PLCB4: variants seen among roughly 807,000 people sequenced by gnomAD.
PLCB4 encodes the protein 1-phosphatidylinositol 4,5-bisphosphate phosphodiesterase beta-4.
A neutral mutation model predicts 178.8 loss-of-function variants in PLCB4; 77 were observed. The observed-to-expected ratio is 0.43, with a 90% confidence interval of 0.36 to 0.52. The LOEUF (loss-of-function observed/expected upper bound fraction) is 0.52. Ranked by LOEUF, PLCB4 falls within the 20% of genes least tolerant of loss-of-function variation. PLCB4 has a pLI of 0.00. For missense variants in PLCB4, 1,024 were observed against 1,453.4 expected, an observed-to-expected ratio of 0.70 and a Z score of 4.80; for synonymous variants, 496 against 490.8, an observed-to-expected ratio of 1.01 and a Z score of -0.14.
At chr20:9,106,111 C>G (rs938633148) in intron 2 of PLCB4, among the ~76,000 whole-genome samples, 5 of 151,898 alleles carry the variant, frequency 3.3e-5, no homozygotes, top group African/African-American at 9.7e-5. Context: ...ACTCTGACAA[C>G]CTTATCAGCA....
chr20:9,100,466 A>G (rs1198838752), intron 2 of PLCB4, among the ~76,000 whole-genome samples: 1 of 152,290 alleles, frequency 6.6e-6, no homozygotes, highest in Admixed American at 6.5e-5. Context: ...CTCAAACTTC[A>G]TAACAGGAAA....
chr20:9,096,426 A>AT (rs1460943784), intron 2 of PLCB4, 84 bp downstream of exon 2: 3 of 152,176 alleles, frequency 2.0e-5, no homozygotes, highest in South Asian at 2.1e-4. Context: ...TCGAGAAGCA[A>AT]TTTTTTATGC....
rs149256309 is a variant in PLCB4 at position 9,479,239 on chromosome 20, G to A, written c.*230G>A. ...AAAAATTTACTATTCCAGTAAGGCA[G>A]AGTCCAACCATTGATAATACAACTT... On this transcript the variant is annotated 3_prime_UTR_variant, in exon 40 of 40. Transcript: ENST00000378473. The A allele has an allele frequency of 1.9e-6, 1 of 539,058 alleles. No homozygotes were observed. The highest frequency in any genetic ancestry group is 1.9e-5 in the African/African-American group (1 of 52,494). 33.4% of individuals were successfully genotyped at this position (539,058 alleles called of 1,614,324 possible). A position where few individuals can be genotyped will look rare whatever the true frequency, so the allele number is the denominator to read the frequency against.
rs572244834 is a variant in PLCB4, at chr20:9,362,370, G to C, written c.370-526G>C. Reference sequence around the variant, plus strand: ...ACAGAAATTATGTGAGCACATCGCTGTTTGCTCTGATCACCCTGGCAATGA... The same window carrying C: ...ACAGAAATTATGTGAGCACATCGCTCTTTGCTCTGATCACCCTGGCAATGA... On this transcript the variant is annotated intron_variant, in intron 7 of 39. Transcript: ENST00000378473. Among the ~76,000 whole-genome samples, 64 of 152,294 alleles carry C rather than the reference G, an allele frequency of 4.2e-4. No homozygotes were observed. The South Asian group carries it at 0.013, about 31-fold the overall frequency.
intron 17 of PLCB4, 63 bp from the exon 18 acceptor site, chr20:9,393,525 A>T: frequency 9.0e-7 from 1 of 1,108,530 alleles, no homozygotes; most frequent in Non-Finnish European, 1.4e-6. Flanking sequence ...CTCCTCCTGG[A>T]CTGGGAAGGA....
chr20:9,312,380 A>G (rs1165807729), intron 4 of PLCB4, among the ~76,000 whole-genome samples: 1 of 150,664 alleles, frequency 6.6e-6, no homozygotes, highest in East Asian at 2.0e-4. Flanking sequence ...ACACACACAC[A>G]CACACACACA....
intron 2 of PLCB4, among the ~76,000 whole-genome samples, chr20:9,211,486 A>G (rs1048342081): frequency 1.3e-5 from 2 of 152,090 alleles, no homozygotes; most frequent in African/African-American, 4.8e-5. Context: ...TTTTAACCAG[A>G]TATGCTGGTG....
rs1031484897 is a variant in PLCB4, at chr20:9,441,846, G to A, written c.2765-2135G>A. Among the ~76,000 whole-genome samples the A allele has an allele frequency of 3.9e-5, 6 of 152,080 alleles. No individual in the cohort carries two copies. In the East Asian group the frequency reaches 1.2e-3, roughly 29 times the overall value. The stretch of plus-strand genomic sequence containing the variant: ...TGCAGACCTCTATGAAGGTGGGGAG[G>A]TGTGAAATTCCAAACTGTTTTTCTT... On this transcript the variant is annotated intron_variant, in intron 30 of 39. Coordinates refer to ENST00000378473, the MANE Select transcript of PLCB4 (RefSeq NM_001377142.1).
chr20:9,358,488 A>G (rs552536749), intron 7 of PLCB4, among the ~76,000 whole-genome samples: 1 of 152,356 alleles, frequency 6.6e-6, no homozygotes, highest in African/African-American at 2.4e-5. Flanking sequence ...CTTCAGGATC[A>G]AAACCTAGAG....
chr20:9,224,952 C>G (rs1056927604), intron 3 of PLCB4, among the ~76,000 whole-genome samples: 2 of 152,146 alleles, frequency 1.3e-5, no homozygotes, highest in East Asian at 3.9e-4. Flanking sequence ...GCTTTCTTTT[C>G]CCTCCTTTCT....
At chr20:9,100,400 G>T (rs1046806432) in intron 2 of PLCB4, among the ~76,000 whole-genome samples, 8 of 152,108 alleles carry the variant, frequency 5.3e-5, no homozygotes, top group Non-Finnish European at 1.0e-4. Flanking sequence ...TAGAGACAGG[G>T]TCTTGCTCTG....
chr20:9,468,270 G>A (rs1016447952), intron 35 of PLCB4, among the ~76,000 whole-genome samples: 1 of 151,644 alleles, frequency 6.6e-6, no homozygotes, highest in Non-Finnish European at 1.5e-5. Context: ...TACAGAAGTC[G>A]ATGAGCTCAA....
intron 33 of PLCB4, among the ~76,000 whole-genome samples, chr20:9,455,372 A>G (rs985414250): frequency 2.6e-5 from 4 of 152,328 alleles, no homozygotes; most frequent in Admixed American, 2.6e-4. Context: ...TTCTTTGCTA[A>G]AAATAATATT....
At chr20:9,441,757 G>A (rs879580191) in intron 30 of PLCB4, among the ~76,000 whole-genome samples, 2 of 152,274 alleles carry the variant, frequency 1.3e-5, no homozygotes, top group Admixed American at 1.3e-4. Context: ...CTGGCAATTG[G>A]AAGTGAACTA....
chr20:9,184,493 A>G (rs183871048), intron 2 of PLCB4, among the ~76,000 whole-genome samples: 95 of 151,894 alleles, frequency 6.3e-4, no homozygotes, highest in African/African-American at 2.2e-3. Flanking sequence ...AGTTCTAGAA[A>G]TGCTTCAGAT....
rs189522456 is a variant in PLCB4 at position 9,413,857 on chromosome 20, C to A, written c.2051+2769C>A. 7.4e-4 allele frequency among the ~76,000 whole-genome samples: 113 copies of A among 152,210 alleles called. 1 individual carries two copies. Among genetic ancestry groups the A allele is most frequent in the African/African-American group, 2.6e-3 (110 of 41,534 alleles). On this transcript the variant is annotated intron_variant, in intron 25 of 39. Coordinates refer to ENST00000378473, the MANE Select transcript of PLCB4 (RefSeq NM_001377142.1). Reference sequence around the variant, plus strand: ...CTCATTGAGGCCTTGACATCCTGGGCTCAATCCATCCTCCCTCCTCCACCC... The same window carrying A: ...CTCATTGAGGCCTTGACATCCTGGGATCAATCCATCCTCCCTCCTCCACCC...
intron 19 of PLCB4, among the ~76,000 whole-genome samples, chr20:9,396,106 C>G (rs748894954): frequency 1.3e-5 from 2 of 152,174 alleles, no homozygotes; most frequent in Non-Finnish European, 2.9e-5. Context: ...TTTTTTCTGG[C>G]TACTAAATTT....
chr20:9,406,933 GT>G (rs1383976262), intron 21 of PLCB4, among the ~76,000 whole-genome samples: 1 of 152,076 alleles, frequency 6.6e-6, no homozygotes, highest in African/African-American at 2.4e-5. Flanking sequence ...TTTGTTGTTG[GT>G]TTTATTGTTG....
intron 30 of PLCB4, among the ~76,000 whole-genome samples, chr20:9,441,218 C>G (rs921554191): frequency 6.6e-6 from 1 of 152,148 alleles, no homozygotes; most frequent in African/African-American, 2.4e-5. Context: ...TTAGGCTCAG[C>G]AGAGCCTGGT....
Sources: gnomAD v4.1 joint callset for allele counts (sites outside exome capture counted in the v4.1 genomes callset) on GRCh38, gnomAD v4.1.1 for gene constraint, MANE v1.5 for transcripts, NCBI Gene and HGNC (gene_info 2026-07-23, HGNC 2026-07-21) for gene names.